CDH13: variants seen among roughly 807,000 people sequenced by gnomAD.
CDH13 encodes cadherin-13.
Under a neutral mutation model 63.8 loss-of-function variants are expected in CDH13, and 24 were observed. The observed-to-expected ratio is 0.38, with a 90% CI of 0.27 to 0.53. CDH13 has a LOEUF of 0.53. Ranked by LOEUF, CDH13 falls within the 20% of genes least tolerant of loss-of-function variation. The pLI, the probability that CDH13 is intolerant of heterozygous loss-of-function variation, is 0.85. For missense variants in CDH13, 1,049 were observed against 903.1 expected (o/e 1.16, Z -2.07); for synonymous variants, 503 against 355.3 (o/e 1.42, Z -4.67).
At chr16:82,827,584 T>C (rs575093604) in intron 1 of CDH13, among the ~76,000 whole-genome samples, 2 of 152,270 alleles carry the variant, frequency 1.3e-5, no homozygotes, top group African/African-American at 4.8e-5. Context: ...TAGACAAAGC[T>C]AGGCTAACTT....
intron 12 of CDH13, 46 bp from the exon 13 acceptor site, chr16:83,783,208 G>GA (rs773473362): frequency 7.4e-7 from 1 of 1,355,900 alleles, no homozygotes; most frequent in Non-Finnish European, 1.0e-6. Flanking sequence ...TCTTTTATTG[G>GA]AAAAAGTCTC....
At chr16:82,745,135 G>C (rs945342028) in intron 1 of CDH13, among the ~76,000 whole-genome samples, 5 of 152,058 alleles carry the variant, frequency 3.3e-5, no homozygotes, top group Admixed American at 6.6e-5. Context: ...CACTTTAAAG[G>C]CTCTGGGAAA....
intron 10 of CDH13, among the ~76,000 whole-genome samples, chr16:83,709,399 C>T (rs537101497): frequency 6.6e-6 from 1 of 152,284 alleles, no homozygotes; most frequent in Non-Finnish European, 1.5e-5. Flanking sequence ...CAGCGGACTC[C>T]CTCTATAATC....
intron 2 of CDH13, among the ~76,000 whole-genome samples, chr16:82,958,674 C>G (rs1054574969): frequency 1.3e-5 from 2 of 152,162 alleles, no homozygotes; most frequent in Non-Finnish European, 2.9e-5. Context: ...AGTGTAAGTT[C>G]AAAACATTCA....
chr16:83,257,390 A>C (rs1906425658), intron 5 of CDH13, among the ~76,000 whole-genome samples: 1 of 152,146 alleles, frequency 6.6e-6, no homozygotes, highest in Non-Finnish European at 1.5e-5. Context: ...GCAGACCCCA[A>C]AGGCCAAAGT....
chr16:83,267,639 G>T (rs1241224580), intron 5 of CDH13, among the ~76,000 whole-genome samples: 1 of 152,014 alleles, frequency 6.6e-6, no homozygotes, highest in African/African-American at 2.4e-5. Context: ...GGATGAGTTC[G>T]GCCCCCTTCC....
chr16:83,042,811 C>G (rs1174747316), intron 3 of CDH13, among the ~76,000 whole-genome samples: 1 of 152,188 alleles, frequency 6.6e-6, no homozygotes, highest in Admixed American at 6.5e-5. Flanking sequence ...ATCGATCCTG[C>G]TTACATGAAA....
At chr16:82,922,618 C>T (rs2042190232) in intron 2 of CDH13, among the ~76,000 whole-genome samples, 1 of 152,172 alleles carries the variant, frequency 6.6e-6, no homozygotes, top group African/African-American at 2.4e-5. Context: ...CAAGTTGGTA[C>T]TTATTTCCTG....
chr16:83,104,084 T>A (rs564936195), intron 3 of CDH13, among the ~76,000 whole-genome samples: 1 of 152,224 alleles, frequency 6.6e-6, no homozygotes, highest in Non-Finnish European at 1.5e-5. Flanking sequence ...TTCTGGCTTT[T>A]AAAGAAGAAT....
rs747647979 is a variant in CDH13 at position 82,858,394 on chromosome 16, C to T, written c.78C>T (p.Asp26=). The part of the protein sequence containing the change: ...VLLLTSAEDL[D]CTPGFQQKVF... The stretch of plus-strand genomic sequence containing the variant: ...TGCTAACATCTGCAGAAGATTTGGA[C>T]TGCACTCCTGGATTTCAGCAGAAAG... Residue 26 remains aspartate, a synonymous_variant, in exon 2 of 14, where the codon GAC becomes GAT. Coordinates refer to ENST00000567109, the MANE Select transcript of CDH13 (RefSeq NM_001257.5). The T allele has an allele frequency of 2.5e-6, 4 of 1,613,556 alleles. No individual in the cohort carries two copies. The highest frequency in any genetic ancestry group is 2.2e-5 in the South Asian group (2 of 91,060).
intron 1 of CDH13, among the ~76,000 whole-genome samples, chr16:82,807,471 C>T (rs563676869): frequency 1.8e-3 from 269 of 152,224 alleles, no homozygotes; most frequent in Middle Eastern, 6.8e-3. Flanking sequence ...GGGGAAGGGT[C>T]AGAGGTTCAC....
At chr16:83,783,504 A>T (rs1915675225) in intron 13 of CDH13, 32 bp downstream of exon 13, 1 of 1,548,944 alleles carries the variant, frequency 6.5e-7, no homozygotes, top group Non-Finnish European at 8.9e-7. Context: ...GCATGCACAA[A>T]CAGGAAATTG....
At position 83,065,703 on chromosome 16, in the gene CDH13, C is replaced by CAA. The variant is rs57299907; in HGVS notation, c.366+33493_366+33494dup. Among the ~76,000 whole-genome samples, 63 of 130,112 alleles carry CAA rather than the reference C, an allele frequency of 4.8e-4. 1 individual carries two copies. Among genetic ancestry groups the CAA allele is most frequent in the Middle Eastern group, 4.0e-3 (1 of 248 alleles). 85.4% of individuals were successfully genotyped at this position (130,112 alleles called of 152,430 possible). A position where few individuals can be genotyped will look rare whatever the true frequency, so the allele number is the denominator to read the frequency against. On this transcript the variant is annotated intron_variant, in intron 3 of 13. Coordinates refer to ENST00000567109, the MANE Select transcript of CDH13 (RefSeq NM_001257.5). ...CTGGGTGACAGAACGAGATTTGTCT[C>CAA]AAAAAAAAACAAAAAAACAAAAAAA... is the stretch of plus-strand genomic sequence containing the variant.
At chr16:83,464,444 G>A (rs911646841) in intron 6 of CDH13, among the ~76,000 whole-genome samples, 3 of 152,204 alleles carry the variant, frequency 2.0e-5, no homozygotes, top group African/African-American at 7.2e-5. Flanking sequence ...CCGAGGAGGT[G>A]GAGGTTGCAG....
At chr16:83,205,120 C>A (rs991919973) in intron 4 of CDH13, among the ~76,000 whole-genome samples, 1 of 152,178 alleles carries the variant, frequency 6.6e-6, no homozygotes, top group African/African-American at 2.4e-5. Flanking sequence ...ATGGGAGGTA[C>A]AGGAGATCCA....
chr16:82,678,091 C>G (rs8060553), intron 1 of CDH13, among the ~76,000 whole-genome samples: 13 of 152,122 alleles, frequency 8.5e-5, no homozygotes, highest in Admixed American at 7.9e-4. Context: ...ACCCTCTACA[C>G]TGGCCTCCCA....
At position 83,593,819 on chromosome 16, in the gene CDH13, G is replaced by C. The variant is rs77278833; in HGVS notation, c.961-8635G>C. Among the ~76,000 whole-genome samples, 1,099 of 152,250 alleles carry C rather than the reference G, an allele frequency of 7.2e-3. 22 individuals carry two copies. Among genetic ancestry groups the C allele is most frequent in the African/African-American group, 0.025 (1,059 of 41,534 alleles). On this transcript the variant is annotated intron_variant, in intron 7 of 13. Coordinates refer to ENST00000567109, the MANE Select transcript of CDH13 (RefSeq NM_001257.5). ...CCCCTGATCTCAAGAAGCTCGGATT[G>C]TCATAGCCACGATAGCCACTAAACA...
chr16:83,533,618 C>CTT lies in CDH13; in HGVS notation c.960+46982_960+46983dup, dbSNP rs11365656. ...AGGATTTAAGTATAATTTACATTATCTTTTTTTTTTTTTTTTTTTTGAGAT... is the reference window on the plus strand; with the variant it reads ...AGGATTTAAGTATAATTTACATTATCTTTTTTTTTTTTTTTTTTTTTTGAGAT... On this transcript the variant is annotated intron_variant, in intron 7 of 13. Coordinates refer to ENST00000567109, the MANE Select transcript of CDH13 (RefSeq NM_001257.5). Among the ~76,000 whole-genome samples the CTT allele has an allele frequency of 3.1e-3, 360 of 116,060 alleles. 10 individuals carry two copies. Among genetic ancestry groups the CTT allele is most frequent in the East Asian group, 0.014 (55 of 4,048 alleles). The allele number at this position is 116,060 out of a possible 152,430, so 76.1% of individuals were successfully genotyped here.
intron 6 of CDH13, among the ~76,000 whole-genome samples, chr16:83,419,636 T>G (rs1597977085): frequency 6.6e-6 from 1 of 152,222 alleles, no homozygotes; most frequent in African/African-American, 2.4e-5. Context: ...GAGGGGAATT[T>G]ACTCAACACC....
Sources: allele counts gnomAD v4.1 joint callset (sites outside exome capture counted in the v4.1 genomes callset), GRCh38; gene constraint gnomAD v4.1.1; transcripts MANE v1.5; gene names NCBI Gene and HGNC (gene_info 2026-07-23, HGNC 2026-07-21).